CERS6: variants seen among roughly 807,000 people sequenced by gnomAD.
The protein encoded by CERS6 is ceramide synthase 6, also known as LAG1 homolog, ceramide synthase 6.
Under a neutral mutation model 56.8 loss-of-function variants are expected in CERS6, and 26 were observed. The ratio of observed to expected loss-of-function variants is 0.46; its 90% CI spans 0.34 to 0.63. The LOEUF (loss-of-function observed/expected upper bound fraction) is 0.63. Ranked by LOEUF, CERS6 falls within the 30% of genes least tolerant of loss-of-function variation. The pLI, the probability that CERS6 is intolerant of heterozygous loss-of-function variation, is 0.01. For synonymous variants in CERS6, 164 were observed against 173.3 expected, an observed-to-expected ratio of 0.95 and a Z score of 0.42; for missense variants, 415 against 467.5, an observed-to-expected ratio of 0.89 and a Z score of 1.04.
At chr2:168,571,891 CA>C (rs1218776002) in intron 3 of CERS6, among the ~76,000 whole-genome samples, 1 of 152,128 alleles carries the variant, frequency 6.6e-6, no homozygotes, top group East Asian at 1.9e-4. Context: ...GAGCTGCTGG[CA>C]AATTACTGTA....
At chr2:168,726,545 AG>A (rs1683360293) in intron 8 of CERS6, among the ~76,000 whole-genome samples, 1 of 152,214 alleles carries the variant, frequency 6.6e-6, no homozygotes, top group Admixed American at 6.5e-5. Context: ...GGCATGGTAC[AG>A]TGGCTAGAAA....
intron 2 of CERS6, among the ~76,000 whole-genome samples, chr2:168,560,557 A>G (rs1695769074): frequency 6.6e-6 from 1 of 152,184 alleles, no homozygotes; most frequent in Admixed American, 6.5e-5. Flanking sequence ...AGTCTTAGTA[A>G]AAGACTCGAT....
intron 4 of CERS6, among the ~76,000 whole-genome samples, chr2:168,688,823 T>TA (rs1438931068): frequency 6.6e-6 from 1 of 152,130 alleles, no homozygotes; most frequent in Non-Finnish European, 1.5e-5. Context: ...GGCAGACACT[T>TA]ACACGCTGTT....
intron 1 of CERS6, among the ~76,000 whole-genome samples, chr2:168,531,675 G>A (rs894882533): frequency 6.6e-6 from 1 of 152,058 alleles, no homozygotes; most frequent in Non-Finnish European, 1.5e-5. Context: ...TACAAAATTA[G>A]CCAGGCGTGG....
rs374354888 is a variant in CERS6 at position 168,461,400 on chromosome 2, C to T, written c.170+4782C>T. The stretch of plus-strand genomic sequence containing the variant: ...CATGGGCCCAGGGAGGCTGAGGCTG[C>T]AGTGAGCTGTGATTGCGCTACTACA... On this transcript the variant is annotated intron_variant, in intron 1 of 9. Coordinates refer to ENST00000305747, the MANE Select transcript of CERS6 (RefSeq NM_203463.3). Among the ~76,000 whole-genome samples, 265 of 144,562 alleles carry T rather than the reference C, an allele frequency of 1.8e-3. No homozygotes were observed. In the Middle Eastern group the frequency reaches 0.018, roughly 10 times the overall value. The allele number at this position is 144,562 out of a possible 152,430, so 94.8% of individuals were successfully genotyped here. A position where few individuals can be genotyped will look rare whatever the true frequency, so the allele number is the denominator to read the frequency against.
intron 8 of CERS6, among the ~76,000 whole-genome samples, chr2:168,723,475 G>A (rs1288094255): frequency 6.6e-6 from 1 of 152,120 alleles, no homozygotes; most frequent in African/African-American, 2.4e-5. Context: ...TCTTCATCAA[G>A]ATAAACACTG....
At chr2:168,542,853 C>T (rs1267379852) in intron 1 of CERS6, among the ~76,000 whole-genome samples, 1 of 152,052 alleles carries the variant, frequency 6.6e-6, no homozygotes, top group East Asian at 1.9e-4. Context: ...TGCACCACCA[C>T]ACCTGGCTAA....
At chr2:168,547,301 T>A (rs943242212) in intron 1 of CERS6, among the ~76,000 whole-genome samples, 1 of 152,252 alleles carries the variant, frequency 6.6e-6, no homozygotes, top group African/African-American at 2.4e-5. Context: ...TTCTATCTTA[T>A]ACACTTATAT....
At position 168,520,829 on chromosome 2, in the gene CERS6, C is replaced by G. The variant is rs6754529; in HGVS notation, c.171-26767C>G. Among the ~76,000 whole-genome samples the G allele has an allele frequency of 2.6e-3, 400 of 151,756 alleles. 3 individuals are homozygous for G. The highest frequency in any genetic ancestry group is 4.3e-3 in the Non-Finnish European group (289 of 67,916). On this transcript the variant is annotated intron_variant, in intron 1 of 9. Transcript: ENST00000305747. ...TTCACCATGTTGGCCAGGCTGGTCT[C>G]GAACTCCTGACCTCAAGTGATCTGC...
intron 3 of CERS6, among the ~76,000 whole-genome samples, chr2:168,578,280 A>G (rs899642933): frequency 4.6e-5 from 7 of 152,114 alleles, no homozygotes; most frequent in African/African-American, 1.7e-4. Context: ...AGGATGTAAA[A>G]CCAACCTATG....
intron 3 of CERS6, among the ~76,000 whole-genome samples, chr2:168,567,984 G>A (rs1436415986): frequency 3.3e-5 from 5 of 152,110 alleles, no homozygotes; most frequent in Non-Finnish European, 5.9e-5. Flanking sequence ...TGTCCCCCTC[G>A]TTCTATTCTA....
At chr2:168,760,353 C>G (rs1197263084) in intron 8 of CERS6, among the ~76,000 whole-genome samples, 2 of 152,076 alleles carry the variant, frequency 1.3e-5, no homozygotes, top group East Asian at 3.9e-4. Context: ...GAGACTAGGC[C>G]AGTCTCGCGT....
At chr2:168,708,268 C>A (rs1302993207) in intron 6 of CERS6, among the ~76,000 whole-genome samples, 5 of 152,076 alleles carry the variant, frequency 3.3e-5, no homozygotes, top group Non-Finnish European at 5.9e-5. Context: ...CTCTCTTTTG[C>A]ATGTTGCCAA....
In CERS6 at chr2:168,767,602, G is replaced by A. The variant is rs982902272; in HGVS notation, c.1002+1854G>A. ...GTATTGGAGTGAGGTTCACTTTTAT[G>A]ATATTTACTTCATCACCACTGGTTG... On this transcript the variant is annotated intron_variant, in intron 9 of 9. Transcript: ENST00000305747. Among the ~76,000 whole-genome samples, 4 of 152,132 alleles carry A rather than the reference G, an allele frequency of 2.6e-5. No individual in the cohort carries two copies. In the South Asian group the frequency reaches 8.3e-4, roughly 32 times the overall value.
chr2:168,507,195 A>G (rs1694694043), intron 1 of CERS6, among the ~76,000 whole-genome samples: 2 of 151,966 alleles, frequency 1.3e-5, no homozygotes, highest in South Asian at 4.2e-4. Context: ...TATATACAAC[A>G]CTCCAAATCA....
intron 6 of CERS6, among the ~76,000 whole-genome samples, chr2:168,711,008 C>T (rs1178629141): frequency 1.3e-5 from 2 of 152,210 alleles, no homozygotes; most frequent in African/African-American, 4.8e-5. Context: ...ATGTGTCATG[C>T]TGTTTGGAGA....
chr2:168,695,363 A>G (rs1222868021), intron 6 of CERS6, among the ~76,000 whole-genome samples: 1 of 152,202 alleles, frequency 6.6e-6, no homozygotes. Context: ...TTAAATAAAA[A>G]GCAAGAATTC....
intron 1 of CERS6, among the ~76,000 whole-genome samples, chr2:168,528,732 G>T (rs942944179): frequency 6.6e-5 from 10 of 152,118 alleles, no homozygotes; most frequent in Non-Finnish European, 1.3e-4. Context: ...CAAAAAACAG[G>T]AGAAAGCAGC....
intron 8 of CERS6, among the ~76,000 whole-genome samples, chr2:168,746,012 A>G (rs1485612616): frequency 6.6e-6 from 1 of 152,194 alleles, no homozygotes; most frequent in Non-Finnish European, 1.5e-5. Context: ...GAAGAGGCAA[A>G]TGTAAACCCA....
Sources: allele counts gnomAD v4.1 joint callset (sites outside exome capture counted in the v4.1 genomes callset), GRCh38; gene constraint gnomAD v4.1.1; transcripts MANE v1.5; gene names NCBI Gene and HGNC (gene_info 2026-07-23, HGNC 2026-07-21).